Variants in TRPC3 observed in about 807,000 individuals in gnomAD.
TRPC3 encodes short transient receptor potential channel 3.
Under a neutral mutation model 90.9 loss-of-function variants are expected in TRPC3, and 54 were observed. The ratio of observed to expected loss-of-function variants is 0.59; its 90% CI spans 0.48 to 0.75. TRPC3 has a LOEUF of 0.75. Ranked by LOEUF, TRPC3 falls within the 30% of genes least tolerant of loss-of-function variation. TRPC3 has a pLI of 0.00. For missense variants in TRPC3, 918 were observed against 1,194.5 expected (o/e 0.77, Z 3.41); for synonymous variants, 424 against 450.9 (o/e 0.94, Z 0.75).
At chr4:121,949,817 C>A (rs531566812) in intron 1 of TRPC3, among the ~76,000 whole-genome samples, 40 of 152,130 alleles carry the variant, frequency 2.6e-4, no homozygotes, top group Admixed American at 2.0e-3. Context: ...AGACAGCAAG[C>A]CTACAATAGA....
chr4:121,936,196 T>C (rs1224373419), intron 1 of TRPC3, among the ~76,000 whole-genome samples: 1 of 152,226 alleles, frequency 6.6e-6, no homozygotes, highest in Admixed American at 6.5e-5. Context: ...ATAAATTTCA[T>C]TAATCTGAAC....
intron 10 of TRPC3, among the ~76,000 whole-genome samples, chr4:121,894,973 A>T (rs1366282244): frequency 6.6e-6 from 1 of 152,168 alleles, no homozygotes; most frequent in Non-Finnish European, 1.5e-5. Flanking sequence ...ATTTTATCTG[A>T]CCACAATGGA....
At chr4:121,901,869 C>A (rs528261364) in intron 9 of TRPC3, among the ~76,000 whole-genome samples, 1 of 152,158 alleles carries the variant, frequency 6.6e-6, no homozygotes, top group Non-Finnish European at 1.5e-5. Context: ...CATGGGCTGT[C>A]ACAACCAATC....
chr4:121,891,674 CA>C (rs1648996522), intron 10 of TRPC3, among the ~76,000 whole-genome samples: 1 of 152,204 alleles, frequency 6.6e-6, no homozygotes, highest in African/African-American at 2.4e-5. Context: ...GAAAAACAAT[CA>C]TTACCACTGG....
intron 3 of TRPC3, among the ~76,000 whole-genome samples, chr4:121,923,011 G>A (rs1221583561): frequency 6.6e-6 from 1 of 152,172 alleles, no homozygotes; most frequent in Non-Finnish European, 1.5e-5. Context: ...ACTATGTGTA[G>A]AAGTTTTCTA....
intron 3 of TRPC3, among the ~76,000 whole-genome samples, chr4:121,918,958 A>C (rs1729411675): frequency 6.6e-6 from 1 of 152,204 alleles, no homozygotes; most frequent in South Asian, 2.1e-4. Flanking sequence ...TCCTTATGTC[A>C]CTACACCAGT....
At chr4:121,881,137 A>G (rs1269836622) in intron 11 of TRPC3, among the ~76,000 whole-genome samples, 1 of 152,116 alleles carries the variant, frequency 6.6e-6, no homozygotes, top group Non-Finnish European at 1.5e-5. Flanking sequence ...TCCCCGACTC[A>G]TGGGGAGACT....
In TRPC3 at chr4:121,877,586, T is replaced by G. The variant is rs984923507; in HGVS notation, c.*2150A>C. Among the ~76,000 whole-genome samples, 1 of 152,060 alleles carries G rather than the reference T, an allele frequency of 6.6e-6. No homozygotes were observed. The highest frequency in any genetic ancestry group is 2.4e-5 in the African/African-American group (1 of 41,410). ...CTGGGAGACAGGTGCACTGGTCCAG[T>G]AGAGGGCATCTGGGCAGGGCATCAA... is the stretch of plus-strand genomic sequence containing the variant. On this transcript the variant is annotated 3_prime_UTR_variant, in exon 12 of 12. Transcript: ENST00000379645.
In TRPC3 at chr4:121,907,445, G is replaced by A; in HGVS notation, c.1915C>T (p.Leu639=). 1 of 1,613,486 alleles carries A rather than the reference G, an allele frequency of 6.2e-7. No individual in the cohort carries two copies. Among genetic ancestry groups the A allele is most frequent in the Non-Finnish European group, 8.5e-7 (1 of 1,179,578 alleles). ...ILPANESFGP[L]QISLGRTVKD... is the part of the protein sequence containing the mutation. ...ACAGTCCTTCCAAGAGAGATCTGCA[G>A]GGGGCCAAAGCTCTCATTTGCAGGG... Residue 639 remains leucine (L), a synonymous_variant, in exon 7 of 12, where the codon CTG becomes TTG. Transcript: ENST00000379645.
chr4:121,915,806 C>T (rs1418704911), intron 3 of TRPC3, among the ~76,000 whole-genome samples: 1 of 152,142 alleles, frequency 6.6e-6, no homozygotes, highest in Non-Finnish European at 1.5e-5. Flanking sequence ...CATTTGTACT[C>T]AGGCCCTTGT....
At chr4:121,942,162 A>C (rs1216773789) in intron 1 of TRPC3, among the ~76,000 whole-genome samples, 1 of 152,200 alleles carries the variant, frequency 6.6e-6, no homozygotes, top group Admixed American at 6.5e-5. Flanking sequence ...AAATATAAGC[A>C]TTCCAGCACT....
chr4:121,900,778 A>G (rs1357063235), intron 9 of TRPC3, among the ~76,000 whole-genome samples: 1 of 152,262 alleles, frequency 6.6e-6, no homozygotes, highest in Non-Finnish European at 1.5e-5. Context: ...AATTTTTAAA[A>G]ATGAAATCAA....
intron 4 of TRPC3, among the ~76,000 whole-genome samples, chr4:121,912,774 C>T (rs181851542): frequency 3.9e-5 from 6 of 152,300 alleles, no homozygotes; most frequent in Admixed American, 3.9e-4. Flanking sequence ...TACAAAGGGA[C>T]TTCCAAAGTT....
In TRPC3 at chr4:121,875,149, A is replaced by T. The variant is rs1727730202; in HGVS notation, c.*4587T>A. On this transcript the variant is annotated 3_prime_UTR_variant, in exon 12 of 12. Transcript: ENST00000379645. Reference sequence around the variant, plus strand: ...AAATAGGTAAAAAAAAAAACACCAAAGACAGACAATGCTGGCAGTGCTTAC... The same window carrying T: ...AAATAGGTAAAAAAAAAAACACCAATGACAGACAATGCTGGCAGTGCTTAC... 6.6e-6 allele frequency among the ~76,000 whole-genome samples: 1 copy of T among 151,836 alleles called. No homozygotes were observed. Among genetic ancestry groups the T allele is most frequent in the Non-Finnish European group, 1.5e-5 (1 of 67,934 alleles).
intron 3 of TRPC3, among the ~76,000 whole-genome samples, chr4:121,919,087 G>A (rs1729417140): frequency 6.6e-6 from 1 of 152,182 alleles, no homozygotes; most frequent in South Asian, 2.1e-4. Context: ...GAGAATGCTT[G>A]ACACAAGAAA....
intron 1 of TRPC3, among the ~76,000 whole-genome samples, chr4:121,950,125 C>T (rs1393700406): frequency 6.6e-6 from 1 of 152,218 alleles, no homozygotes; most frequent in Non-Finnish European, 1.5e-5. Flanking sequence ...TTCCATTCCA[C>T]GCTTATCTTC....
Position 121,878,818 on chromosome 4 carries a change from C to T in TRPC3, c.*918G>A, listed in dbSNP as rs1727842185. Among the ~76,000 whole-genome samples the T allele has an allele frequency of 6.6e-6, 1 of 152,280 alleles. No homozygotes were observed. The highest frequency in any genetic ancestry group is 1.9e-4 in the East Asian group (1 of 5,174). ...CCATAGTCACTGCTCTTTCCTATTT[C>T]TTCCCATGAGCAGACCCTCCAAAAC... On this transcript the variant is annotated 3_prime_UTR_variant, in exon 12 of 12. Transcript: ENST00000379645.
At chr4:121,923,804 A>G (rs1729609443) in intron 3 of TRPC3, among the ~76,000 whole-genome samples, 1 of 152,242 alleles carries the variant, frequency 6.6e-6, no homozygotes, top group Non-Finnish European at 1.5e-5. Context: ...GTCACACTGC[A>G]GAAAAGACAG....
chr4:121,941,374 T>C (rs2149150846), intron 1 of TRPC3, among the ~76,000 whole-genome samples: 1 of 152,316 alleles, frequency 6.6e-6, no homozygotes, highest in Non-Finnish European at 1.5e-5. Flanking sequence ...GATGGAGCAG[T>C]TCACCACATT....
Sources: gnomAD v4.1 joint callset for allele counts (sites outside exome capture counted in the v4.1 genomes callset) on GRCh38, gnomAD v4.1.1 for gene constraint, MANE v1.5 for transcripts, NCBI Gene and HGNC (gene_info 2026-07-23, HGNC 2026-07-21) for gene names.